Variants in PFKFB1 observed in about 807,000 individuals in gnomAD.
PFKFB1 encodes 6-phosphofructo-2-kinase/fructose-2,6-biphosphatase 1.
A neutral mutation model predicts 46.4 loss-of-function variants in PFKFB1; 34 were observed. That is an observed-to-expected ratio of 0.73 (90% CI 0.56 to 0.98). The LOEUF is 0.98. Ranked by LOEUF, PFKFB1 falls within the 50% of genes least tolerant of loss-of-function variation. PFKFB1 has a pLI of 0.00. For missense variants in PFKFB1, 393 were observed against 376.3 expected, an observed-to-expected ratio of 1.04 and a Z score of -0.37; for synonymous variants, 119 against 133.8, an observed-to-expected ratio of 0.89 and a Z score of 0.76.
At position 54,951,782 on chromosome X, in the gene PFKFB1, A is replaced by G. The variant is rs191324654; in HGVS notation, c.846+123T>C. On this transcript the variant is annotated intron_variant, in intron 8 of 13. Transcript: ENST00000375006. ...ATGGGTGGAAGAGCAGGAGTGATGG[A>G]ATCTGCTTCTCCCCCATCCCTGGGT... is the stretch of plus-strand genomic sequence containing the variant. 13 of 545,292 alleles carry G rather than the reference A, an allele frequency of 2.4e-5. No individual in the cohort carries two copies. In the Middle Eastern group the frequency reaches 1.6e-3, roughly 68 times the overall value. 44.9% of individuals were successfully genotyped at this position (545,292 alleles called of 1,213,427 possible).
chrX:54,979,402 TACTC>T (rs1934916109), intron 1 of PFKFB1, among the ~76,000 whole-genome samples: 1 of 111,645 alleles, frequency 9.0e-6, no homozygotes, highest in South Asian at 3.7e-4. Flanking sequence ...TACGGTATCT[TACTC>T]AAGTTGTATA....
At chrX:54,964,314 C>T (rs1250607594) in intron 1 of PFKFB1, among the ~76,000 whole-genome samples, 1 of 110,546 alleles carries the variant, frequency 9.0e-6, no homozygotes, top group East Asian at 2.9e-4. Context: ...GGTCCCCATT[C>T]CCCCACTACC....
chrX:54,951,515 T>A (rs1313760649), intron 8 of PFKFB1, among the ~76,000 whole-genome samples: 1 of 112,309 alleles, frequency 8.9e-6, no homozygotes, highest in Non-Finnish European at 1.9e-5. Flanking sequence ...CAGCTGTATG[T>A]GCCACTGACA....
At chrX:54,977,297 G>A (rs1427479941) in intron 1 of PFKFB1, among the ~76,000 whole-genome samples, 1 of 110,742 alleles carries the variant, frequency 9.0e-6, no homozygotes, top group Non-Finnish European at 1.9e-5. Context: ...TAAGACTAAT[G>A]ACAGAAAGTA....
upstream of PFKFB1, chrX:54,994,926 C>A: frequency 3.2e-6 from 2 of 625,061 alleles, no homozygotes; most frequent in Non-Finnish European, 3.8e-6. Context: ...TGTTAGCCAC[C>A]ATCAGATGCC....
At chrX:54,976,639 A>G in intron 1 of PFKFB1, among the ~76,000 whole-genome samples, 1 of 111,443 alleles carries the variant, frequency 9.0e-6, no homozygotes. Context: ...TCACTCATAC[A>G]TACCTTTGGA....
chrX:54,935,231 A>T (rs1016059285), intron 11 of PFKFB1, among the ~76,000 whole-genome samples: 5 of 111,897 alleles, frequency 4.5e-5, no homozygotes, highest in Non-Finnish European at 9.4e-5. Flanking sequence ...ATGGTGGTAG[A>T]CTGGACTGGG....
At chrX:54,997,630 G>C (rs1203511979), upstream of PFKFB1, among the ~76,000 whole-genome samples, 2 of 111,764 alleles carry the variant, frequency 1.8e-5, no homozygotes, top group African/African-American at 6.5e-5. Context: ...GAGAGTGAAG[G>C]TGTGAGGGGA....
At chrX:54,934,911 A>G in intron 12 of PFKFB1, 36 bp downstream of exon 12, 4 of 1,117,620 alleles carry the variant, frequency 3.6e-6, no homozygotes, top group Non-Finnish European at 4.9e-6. Context: ...CATAGCCTCT[A>G]TATGCCTGTC....
chrX:54,977,073 C>T (rs1237727857), intron 1 of PFKFB1, among the ~76,000 whole-genome samples: 1 of 110,503 alleles, frequency 9.0e-6, no homozygotes, highest in Non-Finnish European at 1.9e-5. Flanking sequence ...GGATATCTGA[C>T]TTTATACGTT....
chrX:54,982,318 C>T (rs1375581550), intron 1 of PFKFB1, among the ~76,000 whole-genome samples: 1 of 110,673 alleles, frequency 9.0e-6, no homozygotes, highest in Non-Finnish European at 1.9e-5. Context: ...AAATGAATTA[C>T]CAAAAACCCA....
chrX:54,961,780 T>C, intron 2 of PFKFB1, among the ~76,000 whole-genome samples: 1 of 112,327 alleles, frequency 8.9e-6, no homozygotes, highest in Middle Eastern at 4.6e-3. Flanking sequence ...GTACTTGGAA[T>C]GATCTGAGAA....
chrX:54,992,202 A>T (rs6521221), intron 1 of PFKFB1, among the ~76,000 whole-genome samples: 8,118 of 111,615 alleles, frequency 0.073, 726 homozygotes, highest in African/African-American at 0.25. Flanking sequence ...ATCTACTATG[A>T]GCCAGGATCA....
chrX:54,984,641 T>C (rs1317301339), intron 1 of PFKFB1, among the ~76,000 whole-genome samples: 1 of 111,976 alleles, frequency 8.9e-6, no homozygotes, highest in Admixed American at 9.4e-5. Flanking sequence ...AAGCTTAGCT[T>C]GATAGAAGCT....
chrX:54,975,976 A>G (rs933785861), intron 1 of PFKFB1, among the ~76,000 whole-genome samples: 1 of 111,766 alleles, frequency 8.9e-6, no homozygotes, highest in South Asian at 3.7e-4. Context: ...AAAATGTAAA[A>G]CTATAAAACT....
At chrX:54,974,659 A>T (rs1934787654) in intron 1 of PFKFB1, among the ~76,000 whole-genome samples, 1 of 112,304 alleles carries the variant, frequency 8.9e-6, no homozygotes, top group Non-Finnish European at 1.9e-5. Context: ...CAGCAGAGTA[A>T]ACAGACAACC....
chrX:54,948,951 A>G, intron 9 of PFKFB1, 124 bp downstream of exon 9: 2 of 705,364 alleles, frequency 2.8e-6, no homozygotes, highest in South Asian at 5.6e-5. Flanking sequence ...GCACATGGCT[A>G]GTTGTCAAAA....
intron 9 of PFKFB1, among the ~76,000 whole-genome samples, chrX:54,947,419 A>C (rs2146609881): frequency 8.9e-6 from 1 of 112,238 alleles, no homozygotes; most frequent in East Asian, 2.8e-4. Flanking sequence ...GAGGGGTTCA[A>C]TAAATGTTTA....
upstream of PFKFB1, chrX:54,994,794 G>A (rs780014882): frequency 2.7e-6 from 2 of 752,223 alleles, no homozygotes; most frequent in South Asian, 1.4e-4. Context: ...GGCACTATCC[G>A]ATCATCTTTC....
Sources: gnomAD v4.1 joint callset for allele counts (sites outside exome capture counted in the v4.1 genomes callset) on GRCh38, gnomAD v4.1.1 for gene constraint, MANE v1.5 for transcripts, NCBI Gene and HGNC (gene_info 2026-07-23, HGNC 2026-07-21) for gene names.